Variants in GRIK3 observed in about 807,000 individuals in gnomAD.
GRIK3 encodes the protein glutamate ionotropic receptor kainate type subunit 3, also known as glutamate receptor ionotropic, kainate 3.
In GRIK3, 29 loss-of-function variants were observed where a neutral mutation model predicts 102.5. The observed-to-expected ratio is 0.28, with a 90% CI of 0.21 to 0.39. The LOEUF is 0.39. Among genes scored for constraint, GRIK3 ranks in the 10% least tolerant of loss-of-function variants. GRIK3 has a pLI of 1.00. For synonymous variants in GRIK3, 511 were observed against 504.9 expected (o/e 1.01, Z -0.16); for missense variants, 908 against 1,252.4 (o/e 0.73, Z 4.15).
At chr1:36,994,481 T>A (rs1006389428) in intron 1 of GRIK3, among the ~76,000 whole-genome samples, 3 of 152,238 alleles carry the variant, frequency 2.0e-5, no homozygotes, top group African/African-American at 7.2e-5. Flanking sequence ...ACCTATGAAA[T>A]GGCATCAATC....
chr1:36,886,409 G>T (rs569291941), intron 2 of GRIK3, among the ~76,000 whole-genome samples: 1 of 152,320 alleles, frequency 6.6e-6, no homozygotes, highest in African/African-American at 2.4e-5. Context: ...CCTTGGAAGA[G>T]TCCTAAAGAT....
At chr1:36,998,262 C>T (rs987334287) in intron 1 of GRIK3, among the ~76,000 whole-genome samples, 1 of 152,214 alleles carries the variant, frequency 6.6e-6, no homozygotes, top group African/African-American at 2.4e-5. Flanking sequence ...GGCCTAGCAC[C>T]CCAACATCAG....
intron 2 of GRIK3, among the ~76,000 whole-genome samples, chr1:36,884,072 G>A (rs1329034485): frequency 6.6e-6 from 1 of 152,130 alleles, no homozygotes; most frequent in Non-Finnish European, 1.5e-5. Flanking sequence ...CAGTACAGAG[G>A]GTATCTCCTG....
intron 5 of GRIK3, among the ~76,000 whole-genome samples, chr1:36,864,311 G>A (rs1260883893): frequency 1.3e-5 from 2 of 152,094 alleles, no homozygotes; most frequent in African/African-American, 4.8e-5. Flanking sequence ...TTTGGACAGT[G>A]GTGTTATGCA....
chr1:37,007,920 A>G (rs982204171), intron 1 of GRIK3, among the ~76,000 whole-genome samples: 2 of 152,208 alleles, frequency 1.3e-5, no homozygotes, highest in Non-Finnish European at 2.9e-5. Context: ...TCATGAGCCC[A>G]GAAGCCACCG....
At position 36,940,563 on chromosome 1, in the gene GRIK3, T is replaced by C. The variant is rs2124322989; in HGVS notation, c.116-49467A>G. 1.3e-5 allele frequency among the ~76,000 whole-genome samples: 2 copies of C among 152,330 alleles called. 1 individual carries two copies. Among genetic ancestry groups the C allele is most frequent in the South Asian group, 4.1e-4 (2 of 4,828 alleles). ...ATGCCAGAATGAAGTGTTTGGTATA[T>C]TCTTGAGATATTGCATAACACTACG... On this transcript the variant is annotated intron_variant, in intron 1 of 15. Transcript: ENST00000373091.
At chr1:36,892,701 C>T (rs902635994) in intron 1 of GRIK3, among the ~76,000 whole-genome samples, 17 of 152,144 alleles carry the variant, frequency 1.1e-4, no homozygotes, top group African/African-American at 3.9e-4. Context: ...TAAAATGTAT[C>T]TGGAAGACTA....
At chr1:36,858,487 A>C (rs1165334958) in intron 7 of GRIK3, among the ~76,000 whole-genome samples, 3 of 152,202 alleles carry the variant, frequency 2.0e-5, no homozygotes. Flanking sequence ...TCCATGGTCT[A>C]GGCAGCAGGA....
At chr1:36,922,478 GC>G (rs1641484492) in intron 1 of GRIK3, among the ~76,000 whole-genome samples, 1 of 152,148 alleles carries the variant, frequency 6.6e-6, no homozygotes, top group Non-Finnish European at 1.5e-5. Flanking sequence ...TTAATGCCTG[GC>G]CATACAGGGG....
intron 1 of GRIK3, among the ~76,000 whole-genome samples, chr1:37,013,522 A>G (rs1642618863): frequency 6.6e-6 from 1 of 152,196 alleles, no homozygotes; most frequent in South Asian, 2.1e-4. Context: ...TTGTCTTCAG[A>G]ATAAGTAGGC....
At chr1:36,903,679 C>T (rs1190012129) in intron 1 of GRIK3, among the ~76,000 whole-genome samples, 2 of 152,146 alleles carry the variant, frequency 1.3e-5, no homozygotes, top group Non-Finnish European at 2.9e-5. Context: ...AAGGATAAAA[C>T]TTAAGTGCCT....
chr1:36,958,217 C>T (rs1241382407), intron 1 of GRIK3, among the ~76,000 whole-genome samples: 1 of 104,156 alleles, frequency 9.6e-6, no homozygotes, highest in Middle Eastern at 8.6e-3. Context: ...GTCTGTGCCC[C>T]GTGAGCCTGT....
Position 36,902,796 on chromosome 1 carries a change from A to C in GRIK3, c.116-11700T>G, listed in dbSNP as rs554552689. On this transcript the variant is annotated intron_variant, in intron 1 of 15. Coordinates refer to ENST00000373091, the MANE Select transcript of GRIK3 (RefSeq NM_000831.4). Reference sequence around the variant, plus strand: ...ACTGGGACATATCTTATGATGGACTACTTTTTTTTTTGAAACAGGGTCTTG... The same window carrying C: ...ACTGGGACATATCTTATGATGGACTCCTTTTTTTTTTGAAACAGGGTCTTG... Among the ~76,000 whole-genome samples, 151 of 150,864 alleles carry C rather than the reference A, an allele frequency of 1.0e-3. 1 individual carries two copies. Among genetic ancestry groups the C allele is most frequent in the African/African-American group, 3.5e-3 (141 of 40,470 alleles).
intron 1 of GRIK3, among the ~76,000 whole-genome samples, chr1:36,898,711 CAT>C (rs1323506929): frequency 6.6e-6 from 1 of 152,054 alleles, no homozygotes; most frequent in Non-Finnish European, 1.5e-5. Flanking sequence ...TCCTAAAATT[CAT>C]ATGGAATTGC....
At chr1:37,033,971 C>T (rs1246249879) in intron 1 of GRIK3, 23 bp downstream of exon 1, 1 of 1,425,006 alleles carries the variant, frequency 7.0e-7, no homozygotes, top group Non-Finnish European at 9.7e-7. Context: ...GCACGGAGAC[C>T]CCCGGCTCCA....
chr1:36,874,328 G>A (rs904568394), intron 3 of GRIK3, among the ~76,000 whole-genome samples: 4 of 152,160 alleles, frequency 2.6e-5, no homozygotes, highest in Admixed American at 1.3e-4. Context: ...ATGTATGCTC[G>A]TAGCCTAAGC....
At chr1:36,979,931 G>T (rs1480141759) in intron 1 of GRIK3, among the ~76,000 whole-genome samples, 1 of 152,196 alleles carries the variant, frequency 6.6e-6, no homozygotes, top group East Asian at 1.9e-4. Context: ...CTGGATTTCA[G>T]AAGGCTTTCC....
chr1:36,863,398 C>T (rs1640748543), intron 5 of GRIK3, among the ~76,000 whole-genome samples: 1 of 152,178 alleles, frequency 6.6e-6, no homozygotes. Context: ...TCCTTGTAGT[C>T]TTTTCAGAAT....
intron 1 of GRIK3, among the ~76,000 whole-genome samples, chr1:37,031,615 C>T (rs1569590041): frequency 6.6e-6 from 1 of 152,328 alleles, no homozygotes; most frequent in Non-Finnish European, 1.5e-5. Context: ...GCTCAGCCGG[C>T]TCAGGTGCCA....
Sources: gnomAD v4.1 joint callset for allele counts (sites outside exome capture counted in the v4.1 genomes callset) on GRCh38, gnomAD v4.1.1 for gene constraint, MANE v1.5 for transcripts, NCBI Gene and HGNC (gene_info 2026-07-23, HGNC 2026-07-21) for gene names.